The following MITF variants were observed in gnomAD, a reference collection of about 807,000 sequenced individuals.
The protein encoded by MITF is microphthalmia-associated transcription factor.
MITF carries 17 observed loss-of-function variants against 60.5 expected under a neutral mutation model. The ratio of observed to expected loss-of-function variants is 0.28; its 90% CI spans 0.19 to 0.42. MITF has a LOEUF of 0.42. MITF is among the 10% of genes least tolerant of loss of function. MITF has a pLI of 1.00. For synonymous variants in MITF, 260 were observed against 248.5 expected, an observed-to-expected ratio of 1.05 and a Z score of -0.43; for missense variants, 622 against 683.5, an observed-to-expected ratio of 0.91 and a Z score of 1.00.
At position 69,965,266 on chromosome 3, in the gene MITF, G is replaced by A. The variant is rs2107553875; in HGVS notation, c.*18G>A. On this transcript the variant is annotated 3_prime_UTR_variant, in exon 10 of 10. Transcript: ENST00000352241. ...CTTGTTAGCGAATCCTCCCTGCACT[G>A]CATTCGCACAAACTGCTTCCTTTCT... is the stretch of plus-strand genomic sequence containing the variant. 1 of 1,609,258 alleles carries A rather than the reference G, an allele frequency of 6.2e-7. No homozygotes were observed. Among genetic ancestry groups the A allele is most frequent in the Non-Finnish European group, 8.5e-7 (1 of 1,176,126 alleles).
At chr3:69,761,411 A>G (rs977695196) in intron 1 of MITF, among the ~76,000 whole-genome samples, 13 of 152,202 alleles carry the variant, frequency 8.5e-5, no homozygotes, top group Admixed American at 6.5e-4. Context: ...TTACTCAAAT[A>G]AGGTTGAACC....
chr3:69,747,899 G>A (rs1703789310), intron 1 of MITF, among the ~76,000 whole-genome samples: 1 of 152,124 alleles, frequency 6.6e-6, no homozygotes, highest in Non-Finnish European at 1.5e-5. Flanking sequence ...GTTAAGGAGA[G>A]GCCTAAGTAA....
intron 1 of MITF, among the ~76,000 whole-genome samples, chr3:69,761,234 T>G (rs1174563872): frequency 6.6e-6 from 1 of 152,210 alleles, no homozygotes; most frequent in African/African-American, 2.4e-5. Flanking sequence ...CAGGAATTAA[T>G]AATTTACATC....
At chr3:69,950,627 G>GTGTATATA (rs1460249905) in intron 6 of MITF, among the ~76,000 whole-genome samples, 24 of 138,056 alleles carry the variant, frequency 1.7e-4, no homozygotes, top group African/African-American at 6.2e-4. Context: ...TATATGGTGT[G>GTGTATATA]TATATATATA....
chr3:69,960,836 T>C (rs1173964922), intron 9 of MITF, among the ~76,000 whole-genome samples: 2 of 152,180 alleles, frequency 1.3e-5, no homozygotes, highest in African/African-American at 4.8e-5. Flanking sequence ...GTCTTCTGAA[T>C]GCTTATATTT....
intron 1 of MITF, chr3:69,752,331 A>G (rs921441520): frequency 6.6e-6 from 1 of 152,234 alleles, no homozygotes; most frequent in African/African-American, 2.4e-5. Context: ...AGATAGGAAG[A>G]TGATGGAAAG....
chr3:69,949,260 C>A, intron 6 of MITF, 92 bp downstream of exon 6: 1 of 951,482 alleles, frequency 1.1e-6, no homozygotes. Flanking sequence ...CAAACTATAT[C>A]CAACTCATGG....
At chr3:69,744,657 G>A (rs186976522) in intron 1 of MITF, among the ~76,000 whole-genome samples, 2 of 152,134 alleles carry the variant, frequency 1.3e-5, no homozygotes, top group Non-Finnish European at 2.9e-5. Flanking sequence ...ACCTAGCAGC[G>A]AACCTGGCAT....
rs76439653 is a variant in MITF, at chr3:69,957,872, G to C, written c.1031+1342G>C. Among the ~76,000 whole-genome samples the C allele has an allele frequency of 2.6e-3, 393 of 152,228 alleles. 1 individual carries two copies. The highest frequency in any genetic ancestry group is 9.2e-3 in the African/African-American group (381 of 41,528). On this transcript the variant is annotated intron_variant, in intron 8 of 9. Transcript: ENST00000352241. ...GACAAAACAGACTATAATCTATATG[G>C]TGGTTTCCCACACCAGGTTTCTAGA... is the stretch of plus-strand genomic sequence containing the variant.
At chr3:69,808,606 A>C (rs1396873279) in intron 1 of MITF, among the ~76,000 whole-genome samples, 1 of 152,078 alleles carries the variant, frequency 6.6e-6, no homozygotes, top group Non-Finnish European at 1.5e-5. Flanking sequence ...GGAGTGGAGT[A>C]GGGGAGAAGG....
intron 1 of MITF, among the ~76,000 whole-genome samples, chr3:69,853,935 A>G (rs934805406): frequency 8.8e-5 from 13 of 147,852 alleles, no homozygotes; most frequent in Non-Finnish European, 1.3e-4. Flanking sequence ...ATCTCAGCTC[A>G]CTGCAACCTT....
intron 1 of MITF, among the ~76,000 whole-genome samples, chr3:69,764,287 T>G (rs1001597660): frequency 6.6e-6 from 1 of 152,226 alleles, no homozygotes; most frequent in African/African-American, 2.4e-5. Context: ...CCCAAATTTC[T>G]TTTCCTCTTC....
intron 2 of MITF, among the ~76,000 whole-genome samples, chr3:69,915,752 G>A (rs2107406312): frequency 6.6e-6 from 1 of 152,312 alleles, no homozygotes; most frequent in African/African-American, 2.4e-5. Flanking sequence ...AATTGGTCTG[G>A]AGAGCAATGG....
At chr3:69,792,542 G>T (rs531075991) in intron 1 of MITF, among the ~76,000 whole-genome samples, 2 of 152,006 alleles carry the variant, frequency 1.3e-5, no homozygotes, top group South Asian at 2.1e-4. Flanking sequence ...CTCTTCTAAA[G>T]AAATCAATAT....
chr3:69,799,669 C>A (rs2106945817), intron 1 of MITF, among the ~76,000 whole-genome samples: 1 of 152,132 alleles, frequency 6.6e-6, no homozygotes, highest in East Asian at 1.9e-4. Context: ...GGTCAAAAAT[C>A]TACTGTTTTT....
chr3:69,767,555 A>C (rs1056876916), intron 1 of MITF, among the ~76,000 whole-genome samples: 1 of 152,166 alleles, frequency 6.6e-6, no homozygotes, highest in African/African-American at 2.4e-5. Flanking sequence ...ACTGCACTCC[A>C]GCCTGGGCAA....
At chr3:69,800,640 A>G (rs987525079) in intron 1 of MITF, among the ~76,000 whole-genome samples, 7 of 152,118 alleles carry the variant, frequency 4.6e-5, no homozygotes, top group African/African-American at 1.7e-4. Flanking sequence ...TTAAAAAAAA[A>G]TTATAGCCAT....
intron 2 of MITF, among the ~76,000 whole-genome samples, chr3:69,887,681 C>G (rs1417595317): frequency 1.3e-5 from 2 of 151,984 alleles, no homozygotes; most frequent in Admixed American, 1.3e-4. Flanking sequence ...TTTAATTACT[C>G]TTTTTAAAAA....
chr3:69,758,675 C>T (rs1186461916), intron 1 of MITF: 2 of 201,954 alleles, frequency 9.9e-6, no homozygotes, highest in Non-Finnish European at 1.0e-5. Flanking sequence ...CTCAAGGTTC[C>T]AGGATACAGA....
Sources: gnomAD v4.1 joint callset for allele counts (sites outside exome capture counted in the v4.1 genomes callset) on GRCh38, gnomAD v4.1.1 for gene constraint, MANE v1.5 for transcripts, NCBI Gene and HGNC (gene_info 2026-07-23, HGNC 2026-07-21) for gene names.